The following CRACDL variants were observed in gnomAD, a reference collection of about 807,000 sequenced individuals.
CRACDL encodes the protein CRACD like.
Under a neutral mutation model 70.6 loss-of-function variants are expected in CRACDL, and 26 were observed. The ratio of observed to expected loss-of-function variants is 0.37; its 90% CI spans 0.27 to 0.51. The LOEUF is 0.51. CRACDL is among the 20% of genes least tolerant of loss of function. The probability of loss-of-function intolerance (pLI) is 0.94; values close to 1 mark genes in which losing one functional copy is unlikely to be tolerated. For synonymous variants in CRACDL, 618 were observed against 615.2 expected (o/e 1.00, Z -0.07); for missense variants, 1,283 against 1,376.9 (o/e 0.93, Z 1.08).
chr2:98,823,051 C>CATTATA lies in CRACDL; in HGVS notation c.1221_1222insTATAAT (p.Pro407_Glu408insTyrAsn). The CATTATA allele has an allele frequency of 6.4e-7, 1 of 1,551,950 alleles. No homozygotes were observed. The highest frequency in any genetic ancestry group is 8.7e-7 in the Non-Finnish European group (1 of 1,149,898). Reference sequence around the variant, plus strand: ...GTCTCGGGGGGAGTCGTGTCCCCCTCAGGGATGGCGGTGGGAAACGGGCTC... The same window carrying CATTATA: ...GTCTCGGGGGGAGTCGTGTCCCCCTCATTATAAGGGATGGCGGTGGGAAACGGGCTC... On this transcript the variant is annotated inframe_insertion, in exon 7 of 10. Transcript: ENST00000397899. The surrounding 1 kb of genome is among the most constrained non-coding windows in gnomAD (Gnocchi z 4.0).
chr2:98,894,327 T>G (rs186926034), intron 1 of CRACDL, among the ~76,000 whole-genome samples: 1 of 152,134 alleles, frequency 6.6e-6, no homozygotes. Context: ...AGAGGCCACA[T>G]GAGGAAGAGC....
At chr2:98,813,415 A>G (rs556005434) in intron 7 of CRACDL, among the ~76,000 whole-genome samples, 2 of 152,276 alleles carry the variant, frequency 1.3e-5, no homozygotes, top group South Asian at 4.1e-4. Context: ...TTGGGCAACA[A>G]GAGCAAGACT....
rs928080081 is a variant in CRACDL at position 98,822,596 on chromosome 2, C to T, written c.1677G>A (p.Arg559=). 131 of 1,429,046 alleles carry T rather than the reference C, an allele frequency of 9.2e-5. No individual in the cohort carries two copies. Among genetic ancestry groups the T allele is most frequent in the Non-Finnish European group, 1.2e-4 (128 of 1,096,924 alleles). The allele number at this position is 1,429,046 out of a possible 1,614,324, so 88.5% of individuals were successfully genotyped here. A position where few individuals can be genotyped will look rare whatever the true frequency, so the allele number is the denominator to read the frequency against. The part of the protein sequence containing the change: ...PAGAERAAPE[R]KAERGGAELR... ...GCTCGGCACCGCCCCTCTCCGCCTTCCGCTCTGGCGCCGCCCTCTCGGCGC... is the reference window on the plus strand; with the variant it reads ...GCTCGGCACCGCCCCTCTCCGCCTTTCGCTCTGGCGCCGCCCTCTCGGCGC... The change falls in exon 7 of 10, where the codon CGG becomes CGA. Residue 559 remains arginine (R), a synonymous_variant. Transcript: ENST00000397899. The surrounding 1 kb of genome is among the most constrained non-coding windows in gnomAD (Gnocchi z 4.9).
intron 2 of CRACDL, among the ~76,000 whole-genome samples, chr2:98,841,819 A>G (rs534342949): frequency 2.4e-4 from 37 of 152,324 alleles, no homozygotes; most frequent in African/African-American, 5.8e-4. Context: ...AAAAACAGCA[A>G]TTACTTTTGT....
intron 2 of CRACDL, among the ~76,000 whole-genome samples, chr2:98,844,264 T>C (rs1056567680): frequency 6.6e-6 from 1 of 152,224 alleles, no homozygotes; most frequent in Non-Finnish European, 1.5e-5. Flanking sequence ...TTTTATTCCT[T>C]TCTCTGGCTT....
At chr2:98,855,913 A>T (rs1004536543) in intron 1 of CRACDL, among the ~76,000 whole-genome samples, 4 of 152,328 alleles carry the variant, frequency 2.6e-5, no homozygotes, top group African/African-American at 7.2e-5. Context: ...TCAGCAAATT[A>T]AAAAATAGAT....
chr2:98,815,781 G>T (rs1156961786), intron 7 of CRACDL, among the ~76,000 whole-genome samples: 1 of 152,214 alleles, frequency 6.6e-6, no homozygotes, highest in Non-Finnish European at 1.5e-5. Context: ...CAGCAGGGGT[G>T]AGGGGTTGGC....
chr2:98,822,471 G>T lies in CRACDL; in HGVS notation c.1802C>A (p.Ala601Glu). 1 of 1,474,486 alleles carries T rather than the reference G, an allele frequency of 6.8e-7. No individual in the cohort carries two copies. Among genetic ancestry groups the T allele is most frequent in the Non-Finnish European group, 8.9e-7 (1 of 1,120,790 alleles). 91.3% of individuals were successfully genotyped at this position (1,474,486 alleles called of 1,614,324 possible). A position where few individuals can be genotyped will look rare whatever the true frequency, so the allele number is the denominator to read the frequency against. ...LERASGRLPL[A>E]RSGPVWRSEA... ...GCTCCTCCAGACCGGGCCGCTCCTCGCGAGGGGCAGGCGGCCGCTGGCCCG... is the reference window on the plus strand; with the variant it reads ...GCTCCTCCAGACCGGGCCGCTCCTCTCGAGGGGCAGGCGGCCGCTGGCCCG... Residue 601 changes from alanine (A) to glutamate (E), a missense_variant, in exon 7 of 10, where the codon GCG becomes GAG. By Grantham distance (107) the Ala-to-Glu change is moderately radical. Transcript: ENST00000397899. This position sits in a 1 kb window ranked among gnomAD's most constrained non-coding sequence, Gnocchi z 4.9.
At chr2:98,850,320 A>T (rs574642218) in intron 1 of CRACDL, among the ~76,000 whole-genome samples, 1 of 152,362 alleles carries the variant, frequency 6.6e-6, no homozygotes, top group South Asian at 2.1e-4. Flanking sequence ...TGGACATTCC[A>T]GGTGGAAACA....
Position 98,822,139 on chromosome 2 carries a change from C to T in CRACDL, c.2134G>A (p.Glu712Lys). The change falls in exon 7 of 10, where the codon GAG (glutamate) becomes AAG (lysine). Residue 712 changes from glutamate to lysine, a missense_variant. Glu to Lys is a moderately conservative substitution (Grantham distance 56). Transcript: ENST00000397899. This position sits in a 1 kb window ranked among gnomAD's most constrained non-coding sequence, Gnocchi z 4.9. ...GTCAGCGACCTTTCTAACCGGACCT[C>T]GGCACTGTACCTCTTCACACCCTTC... ...EVKGVKRYSA[E>K]VRLERSLTVL... is the part of the protein sequence containing the mutation. 1 of 1,600,114 alleles carries T rather than the reference C, an allele frequency of 6.2e-7. No homozygotes were observed. The highest frequency in any genetic ancestry group is 8.5e-7 in the Non-Finnish European group (1 of 1,173,638).
intron 1 of CRACDL, among the ~76,000 whole-genome samples, chr2:98,900,805 G>A (rs1708258791): frequency 6.6e-6 from 1 of 152,168 alleles, no homozygotes; most frequent in Admixed American, 6.5e-5. Context: ...AGCCCAGCCA[G>A]GGAGAAATCT....
At chr2:98,827,313 T>C (rs1705347684) in intron 5 of CRACDL, 144 bp from the exon 6 acceptor site, 2 of 624,734 alleles carry the variant, frequency 3.2e-6, no homozygotes, top group Non-Finnish European at 5.6e-6. Flanking sequence ...TTTCTTTTTT[T>C]TTCCCCCAAG....
chr2:98,798,393 G>T (rs184648615), intron 7 of CRACDL, among the ~76,000 whole-genome samples: 4,333 of 128,794 alleles, frequency 0.034, 105 homozygotes, highest in Non-Finnish European at 0.037. Flanking sequence ...GCAGTGAGCC[G>T]AGATCGCGCC....
intron 7 of CRACDL, among the ~76,000 whole-genome samples, chr2:98,814,179 T>C (rs1311974643): frequency 1.3e-5 from 2 of 152,134 alleles, no homozygotes; most frequent in Admixed American, 6.5e-5. Context: ...TTTGCTCTTA[T>C]GTTTATTATT....
chr2:98,811,550 C>T lies in CRACDL; in HGVS notation c.2416+10307G>A, dbSNP rs913256406. ...AAAAAAAAAAAAAAAGAAAATTATTCTTACATTTATAGATAGTAAAATTCA... is the reference window on the plus strand; with the variant it reads ...AAAAAAAAAAAAAAAGAAAATTATTTTTACATTTATAGATAGTAAAATTCA... On this transcript the variant is annotated intron_variant, in intron 7 of 9. Transcript: ENST00000397899. 1.1e-3 allele frequency among the ~76,000 whole-genome samples: 152 copies of T among 142,886 alleles called. 2 individuals are homozygous for T. The highest frequency in any genetic ancestry group is 2.3e-3 in the South Asian group (10 of 4,388). 93.7% of individuals were successfully genotyped at this position (142,886 alleles called of 152,430 possible). A position where few individuals can be genotyped will look rare whatever the true frequency, so the allele number is the denominator to read the frequency against.
intron 1 of CRACDL, among the ~76,000 whole-genome samples, chr2:98,926,642 C>A (rs1607255): frequency 0.14 from 22,047 of 152,244 alleles, 2,077 homozygotes; most frequent in East Asian, 0.36. Flanking sequence ...ATGATCCACT[C>A]AGAGGGGCAG....
chr2:98,896,485 T>C (rs919427258), intron 1 of CRACDL, among the ~76,000 whole-genome samples: 62 of 152,290 alleles, frequency 4.1e-4, no homozygotes, highest in Admixed American at 3.6e-3. Flanking sequence ...TGCCCTACAT[T>C]CACCTTAAGG....
chr2:98,923,482 G>A (rs1466466273), intron 1 of CRACDL, among the ~76,000 whole-genome samples: 1 of 152,136 alleles, frequency 6.6e-6, no homozygotes, highest in Non-Finnish European at 1.5e-5. Flanking sequence ...AAGTACCCAG[G>A]AAGAAAAAGC....
chr2:98,880,022 A>G (rs1707600735), intron 1 of CRACDL, among the ~76,000 whole-genome samples: 1 of 152,224 alleles, frequency 6.6e-6, no homozygotes, highest in Non-Finnish European at 1.5e-5. Context: ...GTGCGTGTGC[A>G]CGGTACCAAT....
Sources: allele counts gnomAD v4.1 joint callset (sites outside exome capture counted in the v4.1 genomes callset), GRCh38; gene constraint gnomAD v4.1.1; non-coding constraint Gnocchi (gnomAD v3.1); transcripts MANE v1.5; gene names NCBI Gene and HGNC (gene_info 2026-07-23, HGNC 2026-07-21).